CDH3: variants seen among roughly 807,000 people sequenced by gnomAD.
The protein encoded by CDH3 is cadherin-3.
CDH3 carries 54 observed loss-of-function variants against 82.0 expected under a neutral mutation model. The ratio of observed to expected loss-of-function variants is 0.66; its 90% CI spans 0.53 to 0.83. The LOEUF is 0.83. Ranked by LOEUF, CDH3 falls within the 40% of genes least tolerant of loss-of-function variation. The pLI, the probability that CDH3 is intolerant of heterozygous loss-of-function variation, is 0.00. For missense variants in CDH3, 1,054 were observed against 1,084.6 expected (o/e 0.97, Z 0.40); for synonymous variants, 446 against 437.9 (o/e 1.02, Z -0.23).
At chr16:68,675,918 G>T (rs1319659783) in intron 2 of CDH3, among the ~76,000 whole-genome samples, 1 of 152,144 alleles carries the variant, frequency 6.6e-6, no homozygotes, top group Non-Finnish European at 1.5e-5. Flanking sequence ...CTTGTTTAAA[G>T]AGTAGCCAAG....
At chr16:68,701,545 T>G (rs1248282738), downstream of CDH3, among the ~76,000 whole-genome samples, 4 of 17,890 alleles carry the variant, frequency 2.2e-4, no homozygotes, top group Admixed American at 1.7e-3. Context: ...TTACACACAA[T>G]TTTTTTTTTT....
chr16:68,692,071 CTG>C (rs1481271087), intron 13 of CDH3, 145 bp downstream of exon 13: 1 of 638,922 alleles, frequency 1.6e-6, no homozygotes, highest in South Asian at 1.9e-5. Context: ...GGGTCTCACT[CTG>C]TCACCCAGGC....
chr16:68,666,394 C>T (rs1960734185), intron 2 of CDH3, among the ~76,000 whole-genome samples: 1 of 152,176 alleles, frequency 6.6e-6, no homozygotes, highest in African/African-American at 2.4e-5. Context: ...CTGGCAGGCC[C>T]TTGCAGAGCT....
chr16:68,718,555 GC>G (rs1962120639), intron 1 of CDH3, among the ~76,000 whole-genome samples: 1 of 152,026 alleles, frequency 6.6e-6, no homozygotes. Context: ...GGTGGCGCAT[GC>G]CTGTAACCCC....
At chr16:68,665,523 G>A (rs778647819) in intron 2 of CDH3, among the ~76,000 whole-genome samples, 3 of 152,138 alleles carry the variant, frequency 2.0e-5, no homozygotes, top group Non-Finnish European at 2.9e-5. Flanking sequence ...AGCAATAAAT[G>A]GCTTACATTT....
rs1961113528 is a variant in CDH3 at position 68,678,781 on chromosome 16, C to T, written c.566C>T (p.Ser189Leu). ...CCACAGCTCTTTGGCCACGCTGTGTCAGAGAATGGTGCCTCAGTGGAGGAC... is the reference window on the plus strand; with the variant it reads ...CCACAGCTCTTTGGCCACGCTGTGTTAGAGAATGGTGCCTCAGTGGAGGAC... ...AKYELFGHAV[S>L]ENGASVEDPM... The change falls in exon 6 of 16, where the codon TCA (serine) becomes TTA (leucine). Residue 189 changes from serine to leucine, a missense_variant. Coordinates refer to ENST00000264012, the MANE Select transcript of CDH3 (RefSeq NM_001793.6). 6.2e-7 allele frequency: 1 copy of T among 1,614,186 alleles called. No individual in the cohort carries two copies. The highest frequency in any genetic ancestry group is 8.5e-7 in the Non-Finnish European group (1 of 1,180,042).
chr16:68,731,585 C>G (rs1274583891), downstream of CDH3, among the ~76,000 whole-genome samples: 1 of 148,668 alleles, frequency 6.7e-6, no homozygotes, highest in Non-Finnish European at 1.5e-5. Flanking sequence ...GTTTGTAATC[C>G]CAGCACTTTG....
chr16:68,687,981 G>T (rs530197399), intron 12 of CDH3, among the ~76,000 whole-genome samples: 8 of 149,634 alleles, frequency 5.3e-5, no homozygotes, highest in African/African-American at 2.0e-4. Context: ...CTGAGGCCTC[G>T]AGGAATCGAA....
intron 11 of CDH3, chr16:68,686,290 G>A (rs1346241820): frequency 5.7e-6 from 4 of 702,410 alleles, no homozygotes; most frequent in Admixed American, 2.4e-5. Flanking sequence ...CACCCAGGCG[G>A]TCTTTTCACG....
chr16:68,712,272 A>C (rs1962041146), intron 1 of CDH3, among the ~76,000 whole-genome samples: 1 of 148,248 alleles, frequency 6.7e-6, no homozygotes, highest in East Asian at 2.0e-4. Flanking sequence ...CCTGGGCTCA[A>C]GCAATCCTCC....
rs752024803 is a variant in CDH3 at position 68,678,185 on chromosome 16, C to A, written c.298C>A (p.Arg100Ser). Residue 100 changes from arginine (R) to serine (S), a missense_variant, in exon 4 of 16, where the codon CGT (arginine) becomes AGT (serine). Arg to Ser is a moderately radical substitution (Grantham distance 110, BLOSUM62 -1). Transcript: ENST00000264012. ...RNPLKIFPSK[R>S]ILRRHKRDWV... ...TCCATTGAAGATCTTCCCATCCAAA[C>A]GTATCTTACGAAGACACAAGAGAGA... The A allele has an allele frequency of 1.9e-6, 3 of 1,613,570 alleles. No homozygotes were observed. Among genetic ancestry groups the A allele is most frequent in the Non-Finnish European group, 2.5e-6 (3 of 1,179,578 alleles).
chr16:68,710,511 G>A (rs1171255146), intron 1 of CDH3, among the ~76,000 whole-genome samples: 2 of 152,144 alleles, frequency 1.3e-5, no homozygotes, highest in Non-Finnish European at 2.9e-5. Flanking sequence ...ACAATGCACA[G>A]GACAGCCCCC....
rs1961867117 is a variant in CDH3 at position 68,700,093 on chromosome 16, C to G, written c.*1693C>G. On this transcript the variant is annotated 3_prime_UTR_variant, in exon 16 of 16. Transcript: ENST00000264012. Reference sequence around the variant, plus strand: ...GCAAAACAAAATTAAGAGAACCTACCCAAGATGTCAGTGAAATTGGAACAT... The same window carrying G: ...GCAAAACAAAATTAAGAGAACCTACGCAAGATGTCAGTGAAATTGGAACAT... The G allele has an allele frequency of 6.6e-6, 1 of 152,056 alleles. No individual in the cohort carries two copies. The highest frequency in any genetic ancestry group is 1.5e-5 in the Non-Finnish European group (1 of 68,022). 9.4% of individuals were successfully genotyped at this position (152,056 alleles called of 1,614,324 possible).
intron 1 of CDH3, among the ~76,000 whole-genome samples, chr16:68,718,258 C>T (rs918051327): frequency 6.6e-6 from 1 of 152,158 alleles, no homozygotes; most frequent in African/African-American, 2.4e-5. Context: ...CCCACCTCAG[C>T]CTCCCAAAGT....
chr16:68,678,769 G>A lies in CDH3; in HGVS notation c.554G>A (p.Gly185Asp). Residue 185 changes from glycine (G) to aspartate (D), a missense_variant, in exon 6 of 16, where the codon GGC (glycine) becomes GAC (aspartate). Transcript: ENST00000264012. The part of the protein sequence containing the change: ...REEIAKYELF[G>D]HAVSENGASV... ...GAGCTGTGTACCCCACAGCTCTTTG[G>A]CCACGCTGTGTCAGAGAATGGTGCC... is the stretch of plus-strand genomic sequence containing the variant. 6.2e-7 allele frequency: 1 copy of A among 1,614,120 alleles called. No individual in the cohort carries two copies. The highest frequency in any genetic ancestry group is 1.1e-5 in the South Asian group (1 of 91,082).
At chr16:68,655,522 A>G (rs1164899171) in intron 2 of CDH3, among the ~76,000 whole-genome samples, 3 of 152,200 alleles carry the variant, frequency 2.0e-5, no homozygotes, top group African/African-American at 7.2e-5. Flanking sequence ...AGAGGGACAG[A>G]CAAATAAGTA....
rs778080066 is a variant in CDH3, at chr16:68,679,909, C to G, written c.802C>G (p.Leu268Val). 2 of 1,614,122 alleles carry G rather than the reference C, an allele frequency of 1.2e-6. No homozygotes were observed. Among genetic ancestry groups the G allele is most frequent in the Non-Finnish European group, 8.5e-7 (1 of 1,180,008 alleles). The change falls in exon 7 of 16, where the codon CTC becomes GTC. Residue 268 changes from leucine (L) to valine (V), a missense_variant. Transcript: ENST00000264012. Reference protein sequence around the residue: ...HSQEPKDPHDLMFTIHRSTGT... With the variant: ...HSQEPKDPHDVMFTIHRSTGT... The stretch of plus-strand genomic sequence containing the variant: ...CCAAGAACCAAAGGACCCACACGAC[C>G]TCATGTTCACCATTCACCGGAGCAC...
intron 2 of CDH3, among the ~76,000 whole-genome samples, chr16:68,722,972 T>G (rs571406999): frequency 4.5e-4 from 68 of 151,894 alleles, no homozygotes; most frequent in African/African-American, 1.6e-3. Flanking sequence ...TTTTGTATTT[T>G]TAGTAGAGAC....
chr16:68,645,361 C>A lies in CDH3; in HGVS notation c.-19C>A. The stretch of plus-strand genomic sequence containing the variant: ...CGGCCCGCCGTCGCGGCAGCTGCTT[C>A]ACCCCTCTCTCTGCAGCCATGGGGC... On this transcript the variant is annotated 5_prime_UTR_variant, in exon 1 of 16. Coordinates refer to ENST00000264012, the MANE Select transcript of CDH3 (RefSeq NM_001793.6). 2 of 1,612,282 alleles carry A rather than the reference C, an allele frequency of 1.2e-6. No individual in the cohort carries two copies. Among genetic ancestry groups the A allele is most frequent in the Non-Finnish European group, 1.7e-6 (2 of 1,179,232 alleles).
Sources: gnomAD v4.1 joint callset for allele counts (sites outside exome capture counted in the v4.1 genomes callset) on GRCh38, gnomAD v4.1.1 for gene constraint, MANE v1.5 for transcripts, NCBI Gene and HGNC (gene_info 2026-07-23, HGNC 2026-07-21) for gene names.